Variants in NUDCD1 observed in about 807,000 individuals in gnomAD.
The protein encoded by NUDCD1 is NudC domain containing 1.
A neutral mutation model predicts 67.8 loss-of-function variants in NUDCD1; 60 were observed. That is an observed-to-expected ratio of 0.88 (90% CI 0.72 to 1.10). The LOEUF is 1.10. Among genes scored for constraint, NUDCD1 ranks in the 50% least tolerant of loss-of-function variants. The pLI, the probability that NUDCD1 is intolerant of heterozygous loss-of-function variation, is 0.00. For missense variants in NUDCD1, 643 were observed against 695.0 expected (o/e 0.93, Z 0.84); for synonymous variants, 244 against 230.8 (o/e 1.06, Z -0.52).
chr8:109,286,125 A>T (rs1814569896), intron 5 of NUDCD1, among the ~76,000 whole-genome samples: 1 of 152,134 alleles, frequency 6.6e-6, no homozygotes, highest in Non-Finnish European at 1.5e-5. Flanking sequence ...CTACAAGGAG[A>T]ATTACACAGC....
In NUDCD1 at chr8:109,281,103, G is replaced by T. The variant is rs199618077; in HGVS notation, c.893C>A (p.Thr298Asn). The change falls in exon 6 of 10, where the codon ACT becomes AAT. Residue 298 changes from threonine to asparagine, a missense_variant. Transcript: ENST00000239690. ...TVTIRLPEDS[T>N]KEDIQIQFLP... is the part of the protein sequence containing the mutation. ...AAACTGTATTTGAATGTCCTCCTTA[G>T]TACTGTCTTCTGGAAGCCGTATGGT... 6.2e-7 allele frequency: 1 copy of T among 1,613,230 alleles called. No individual in the cohort carries two copies. The highest frequency in any genetic ancestry group is 8.5e-7 in the Non-Finnish European group (1 of 1,179,390).
At chr8:109,328,007 CTTTT>C (rs1490281402) in intron 1 of NUDCD1, among the ~76,000 whole-genome samples, 5 of 152,160 alleles carry the variant, frequency 3.3e-5, no homozygotes, top group Non-Finnish European at 7.4e-5. Flanking sequence ...CATTGAATAA[CTTTT>C]GTTTGCAGCC....
chr8:109,278,337 G>A (rs576074887), intron 6 of NUDCD1, among the ~76,000 whole-genome samples: 2 of 152,318 alleles, frequency 1.3e-5, no homozygotes, highest in South Asian at 2.1e-4. Flanking sequence ...AAATGGCACA[G>A]TTGTGGGGGG....
At chr8:109,255,271 T>C (rs1813702756) in intron 8 of NUDCD1, among the ~76,000 whole-genome samples, 1 of 152,178 alleles carries the variant, frequency 6.6e-6, no homozygotes, top group African/African-American at 2.4e-5. Context: ...AGATAAGTTG[T>C]TCATCTATTT....
rs542523465 is a variant in NUDCD1, at chr8:109,322,095, T to C, written c.273+214A>G. Among the ~76,000 whole-genome samples, 79 of 152,186 alleles carry C rather than the reference T, an allele frequency of 5.2e-4. 2 individuals are homozygous for C. In the South Asian group the frequency reaches 0.016, roughly 30 times the overall value. ...AAAATCCATGAGAGTTGCTGCCCAATGGTGAGAGTGGAGGTGAGTAAGTGT... is the reference window on the plus strand; with the variant it reads ...AAAATCCATGAGAGTTGCTGCCCAACGGTGAGAGTGGAGGTGAGTAAGTGT... On this transcript the variant is annotated intron_variant, in intron 2 of 9. Coordinates refer to ENST00000239690, the MANE Select transcript of NUDCD1 (RefSeq NM_032869.4).
At chr8:109,243,424 T>C (rs114145695) in intron 9 of NUDCD1, 123 bp from the exon 10 acceptor site, 20,155 of 687,430 alleles carry the variant, frequency 0.029, 394 homozygotes, top group Middle Eastern at 0.1. Context: ...GTAAAATATA[T>C]ACCATAAGGT....
chr8:109,333,259 T>A (rs1029193490), intron 1 of NUDCD1, among the ~76,000 whole-genome samples: 1 of 152,200 alleles, frequency 6.6e-6, no homozygotes, highest in Non-Finnish European at 1.5e-5. Context: ...GGCTCTATCA[T>A]AACGAAAATG....
chr8:109,334,058 G>C lies in NUDCD1; in HGVS notation c.-48C>G, dbSNP rs575666727. 6.2e-7 allele frequency: 1 copy of C among 1,611,194 alleles called. No homozygotes were observed. Among genetic ancestry groups the C allele is most frequent in the Non-Finnish European group, 8.5e-7 (1 of 1,178,332 alleles). On this transcript the variant is annotated 5_prime_UTR_variant, in exon 1 of 10. Transcript: ENST00000239690. ...AGAATTAATAAAGCCCTTGTTGAAA[G>C]GTCCGCGCTTCACGCCTCGCACAGA...
intron 8 of NUDCD1, among the ~76,000 whole-genome samples, chr8:109,259,988 A>G (rs1196041585): frequency 6.6e-6 from 1 of 152,236 alleles, no homozygotes; most frequent in Non-Finnish European, 1.5e-5. Flanking sequence ...CACAATAAAA[A>G]TATCAAAAAA....
At chr8:109,256,394 T>C (rs990380130) in intron 8 of NUDCD1, among the ~76,000 whole-genome samples, 1 of 152,196 alleles carries the variant, frequency 6.6e-6, no homozygotes, top group African/African-American at 2.4e-5. Flanking sequence ...GTACATCTCA[T>C]ACAATAAGGA....
chr8:109,284,552 T>TA, intron 5 of NUDCD1, among the ~76,000 whole-genome samples: 1 of 151,902 alleles, frequency 6.6e-6, no homozygotes, highest in East Asian at 1.9e-4. Flanking sequence ...CAATAAATTA[T>TA]AAAAAATGAA....
chr8:109,280,619 G>T (rs1372010477), intron 6 of NUDCD1, among the ~76,000 whole-genome samples: 1 of 151,984 alleles, frequency 6.6e-6, no homozygotes, highest in Non-Finnish European at 1.5e-5. Context: ...TTAAAGAATG[G>T]AAATATATTA....
intron 5 of NUDCD1, among the ~76,000 whole-genome samples, chr8:109,288,439 T>C (rs891129182): frequency 1.3e-5 from 2 of 152,196 alleles, no homozygotes; most frequent in African/African-American, 2.4e-5. Flanking sequence ...AGCATTATAA[T>C]TAGACAGAAT....
chr8:109,309,876 A>C (rs969591435), intron 2 of NUDCD1, among the ~76,000 whole-genome samples: 3 of 139,848 alleles, frequency 2.1e-5, no homozygotes, highest in African/African-American at 7.6e-5. Flanking sequence ...CAAAAAAAAA[A>C]CAAAACAAAC....
intron 8 of NUDCD1, among the ~76,000 whole-genome samples, chr8:109,264,061 T>C (rs185860594): frequency 1.4e-4 from 22 of 152,324 alleles, no homozygotes; most frequent in Admixed American, 1.4e-3. Context: ...CATGACTAAA[T>C]AGGAAGTACA....
intron 2 of NUDCD1, among the ~76,000 whole-genome samples, chr8:109,303,754 T>G (rs1563678582): frequency 6.6e-6 from 1 of 151,978 alleles, no homozygotes; most frequent in Non-Finnish European, 1.5e-5. Context: ...ACCCTTACCA[T>G]CCCATTAAAA....
chr8:109,326,899 G>A (rs1051897030), intron 1 of NUDCD1, among the ~76,000 whole-genome samples: 4 of 152,180 alleles, frequency 2.6e-5, no homozygotes, highest in Admixed American at 1.3e-4. Context: ...TGCTAACGAT[G>A]ATATTCATTA....
At chr8:109,261,432 T>G (rs1813861760) in intron 8 of NUDCD1, among the ~76,000 whole-genome samples, 1 of 152,144 alleles carries the variant, frequency 6.6e-6, no homozygotes, top group Non-Finnish European at 1.5e-5. Context: ...GACAATGTGG[T>G]TGACTCTCAC....
chr8:109,303,631 T>C (rs916551508), intron 2 of NUDCD1, among the ~76,000 whole-genome samples: 4 of 142,370 alleles, frequency 2.8e-5, no homozygotes, highest in East Asian at 1.9e-4. Context: ...CCACCCCTCA[T>C]TGCCACCTTT....
Sources: allele counts gnomAD v4.1 joint callset (sites outside exome capture counted in the v4.1 genomes callset), GRCh38; gene constraint gnomAD v4.1.1; transcripts MANE v1.5; gene names NCBI Gene and HGNC (gene_info 2026-07-23, HGNC 2026-07-21).